KHDRBS2: variants seen among roughly 807,000 people sequenced by gnomAD.
KHDRBS2 encodes KH domain-containing, RNA-binding, signal transduction-associated protein 2.
A neutral mutation model predicts 44.3 loss-of-function variants in KHDRBS2; 26 were observed. The ratio of observed to expected loss-of-function variants is 0.59; its 90% confidence interval spans 0.43 to 0.81. The LOEUF is 0.81. Among genes scored for constraint, KHDRBS2 ranks in the 40% least tolerant of loss-of-function variants. The probability of loss-of-function intolerance (pLI) is 0.00; values close to 1 mark genes in which losing one functional copy is unlikely to be tolerated. For synonymous variants in KHDRBS2, 194 were observed against 151.1 expected (o/e 1.28, Z -2.08); for missense variants, 476 against 433.1 (o/e 1.10, Z -0.88).
At chr6:61,618,720 A>C in the KHDRBS2 span, among the ~76,000 whole-genome samples, 1 of 152,170 alleles carries the variant, frequency 6.6e-6, no homozygotes, top group African/African-American at 2.4e-5. Context: ...GAGAACATGC[A>C]GTATCTGGTT....
chr6:62,069,122 G>A (rs1465039098), intron 2 of KHDRBS2, among the ~76,000 whole-genome samples: 1 of 151,546 alleles, frequency 6.6e-6, no homozygotes, highest in South Asian at 2.1e-4. Flanking sequence ...CTGACCTCTT[G>A]TGTAGTTAAA....
intron 1 of KHDRBS2, among the ~76,000 whole-genome samples, chr6:62,203,257 T>C (rs1827340773): frequency 6.6e-6 from 1 of 152,050 alleles, no homozygotes; most frequent in African/African-American, 2.4e-5. Flanking sequence ...ATGAGCATAT[T>C]TACCTAGAAA....
the KHDRBS2 span, among the ~76,000 whole-genome samples, chr6:61,624,831 C>G: frequency 6.6e-6 from 1 of 152,092 alleles, no homozygotes; most frequent in African/African-American, 2.4e-5. Context: ...GAAAAAATGG[C>G]ACCCTAACCA....
chr6:61,804,745 T>C (rs1786863206), intron 6 of KHDRBS2, among the ~76,000 whole-genome samples: 1 of 152,212 alleles, frequency 6.6e-6, no homozygotes, highest in South Asian at 2.1e-4. Context: ...ACCTGTACGT[T>C]GGCCCCTTTT....
At chr6:62,196,393 A>G (rs1301471114) in intron 1 of KHDRBS2, among the ~76,000 whole-genome samples, 3 of 152,270 alleles carry the variant, frequency 2.0e-5, no homozygotes, top group East Asian at 1.9e-4. Flanking sequence ...TTAGATTTCT[A>G]GAACTCCACC....
rs575733361 is a variant in KHDRBS2 at position 62,062,134 on chromosome 6, C to T, written c.220-14140G>A. On this transcript the variant is annotated intron_variant, in intron 2 of 8. Coordinates refer to ENST00000281156, the MANE Select transcript of KHDRBS2 (RefSeq NM_152688.4). ...AGCACCCAGATTCATAAAGCAAGTC[C>T]TGAGTGACCTACAAAGAGACTTAGA... is the stretch of plus-strand genomic sequence containing the variant. Among the ~76,000 whole-genome samples, 943 of 148,414 alleles carry T rather than the reference C, an allele frequency of 6.4e-3. 6 individuals are homozygous for T. The highest frequency in any genetic ancestry group is 0.017 in the Middle Eastern group (5 of 292).
the KHDRBS2 span, among the ~76,000 whole-genome samples, chr6:61,656,535 CT>C: frequency 2.4e-4 from 37 of 152,078 alleles, 1 homozygote; most frequent in South Asian, 7.1e-3. Context: ...TATTGCGTCT[CT>C]TTTTACTTCT....
chr6:62,031,751 C>T (rs747610525), intron 3 of KHDRBS2, among the ~76,000 whole-genome samples: 2 of 152,024 alleles, frequency 1.3e-5, no homozygotes, highest in African/African-American at 4.8e-5. Flanking sequence ...AGGTTTTTGA[C>T]TCTAGTGCCA....
At chr6:61,630,295 G>A in the KHDRBS2 span, 1 of 152,172 alleles carries the variant, frequency 6.6e-6, no homozygotes, top group African/African-American at 2.4e-5. Flanking sequence ...GGTAACTGAA[G>A]ACTATCTTTG....
chr6:61,569,156 A>C, the KHDRBS2 span, among the ~76,000 whole-genome samples: 3 of 152,046 alleles, frequency 2.0e-5, no homozygotes, highest in African/African-American at 7.2e-5. Context: ...TGGCACAGCA[A>C]AGGCAGCCAA....
chr6:62,091,863 C>A (rs968911451), intron 2 of KHDRBS2, among the ~76,000 whole-genome samples: 35 of 152,076 alleles, frequency 2.3e-4, no homozygotes, highest in African/African-American at 7.0e-4. Flanking sequence ...TTATGTAAAG[C>A]ATTCAGAACA....
At chr6:62,050,408 A>C (rs1435202596) in intron 2 of KHDRBS2, among the ~76,000 whole-genome samples, 1 of 143,584 alleles carries the variant, frequency 7.0e-6, no homozygotes. Flanking sequence ...CATTCTGCAC[A>C]TGTATCCCAG....
intron 7 of KHDRBS2, among the ~76,000 whole-genome samples, chr6:61,708,853 G>A (rs559420767): frequency 6.6e-6 from 1 of 151,746 alleles, no homozygotes; most frequent in South Asian, 2.1e-4. Context: ...TCTCATGATG[G>A]AGAATAGCGA....
At chr6:61,661,080 T>C in the KHDRBS2 span, among the ~76,000 whole-genome samples, 3 of 151,882 alleles carry the variant, frequency 2.0e-5, no homozygotes, top group African/African-American at 4.8e-5. Context: ...ACATTACCAC[T>C]ATGCTGCTAC....
intron 2 of KHDRBS2, among the ~76,000 whole-genome samples, chr6:62,058,328 C>G (rs527471652): frequency 6.6e-6 from 1 of 151,938 alleles, no homozygotes; most frequent in African/African-American, 2.4e-5. Context: ...TTCCATCATT[C>G]GTTGATACTC....
intron 4 of KHDRBS2, among the ~76,000 whole-genome samples, chr6:61,948,494 A>T (rs932650753): frequency 7.9e-5 from 12 of 151,986 alleles, no homozygotes; most frequent in Non-Finnish European, 1.5e-4. Context: ...CAAAAGAATG[A>T]GTTTGGCATA....
intron 8 of KHDRBS2, among the ~76,000 whole-genome samples, chr6:61,690,323 A>T (rs938975540): frequency 6.6e-6 from 1 of 151,924 alleles, no homozygotes; most frequent in South Asian, 2.1e-4. Flanking sequence ...TCTATATCCT[A>T]TTGAATATCC....
At chr6:61,871,596 A>C (rs144985460) in intron 6 of KHDRBS2, among the ~76,000 whole-genome samples, 1,987 of 152,314 alleles carry the variant, frequency 0.013, 155 homozygotes, top group Admixed American at 0.11. Context: ...TGTTAAGGGC[A>C]GCCAGAGAGA....
At position 61,953,446 on chromosome 6, in the gene KHDRBS2, G is replaced by A. The variant is rs554807997; in HGVS notation, c.483+24620C>T. Among the ~76,000 whole-genome samples the A allele has an allele frequency of 2.0e-5, 3 of 152,074 alleles. No homozygotes were observed. The South Asian group carries it at 6.2e-4, about 32-fold the overall frequency. On this transcript the variant is annotated intron_variant, in intron 4 of 8. Coordinates refer to ENST00000281156, the MANE Select transcript of KHDRBS2 (RefSeq NM_152688.4). ...TGTTACATGCAGTGATATACATGCT[G>A]ACTCAGAACCATCTAAACTGAAAAA... is the stretch of plus-strand genomic sequence containing the variant.
Sources: gnomAD v4.1 joint callset for allele counts (sites outside exome capture counted in the v4.1 genomes callset) on GRCh38, gnomAD v4.1.1 for gene constraint, MANE v1.5 for transcripts, NCBI Gene and HGNC (gene_info 2026-07-23, HGNC 2026-07-21) for gene names.